Variants in MAP2K6 observed in about 807,000 individuals in gnomAD.
MAP2K6 encodes the protein mitogen-activated protein kinase kinase 6, also known as dual specificity mitogen-activated protein kinase kinase 6.
In MAP2K6, 16 loss-of-function variants were observed where a neutral mutation model predicts 53.7. The ratio of observed to expected loss-of-function variants is 0.30; its 90% CI spans 0.20 to 0.45. The LOEUF (loss-of-function observed/expected upper bound fraction) is 0.45, where lower values mean the gene tolerates loss of function less well. Ranked by LOEUF, MAP2K6 falls within the 20% of genes least tolerant of loss-of-function variation. The pLI is 1.00. For synonymous variants in MAP2K6, 132 were observed against 143.1 expected (o/e 0.92, Z 0.55); for missense variants, 204 against 411.9 (o/e 0.50, Z 4.37).
At chr17:69,472,595 G>T (rs1458572852) in intron 1 of MAP2K6, among the ~76,000 whole-genome samples, 1 of 152,186 alleles carries the variant, frequency 6.6e-6, no homozygotes, top group African/African-American at 2.4e-5. Flanking sequence ...CCTGAGACGG[G>T]ATGGCATCCT....
intron 1 of MAP2K6, among the ~76,000 whole-genome samples, chr17:69,468,156 A>G (rs1382211457): frequency 6.6e-6 from 1 of 152,128 alleles, no homozygotes; most frequent in African/African-American, 2.4e-5. Context: ...TTCTCCTGTG[A>G]TAGTGTTCTC....
chr17:69,449,607 C>T (rs12452702), intron 1 of MAP2K6, among the ~76,000 whole-genome samples: 21 of 91,646 alleles, frequency 2.3e-4, no homozygotes, highest in Admixed American at 4.9e-4. Flanking sequence ...TTCTTTCTCT[C>T]TCTTTTTTTT....
intron 1 of MAP2K6, among the ~76,000 whole-genome samples, chr17:69,491,390 C>T (rs111740230): frequency 0.043 from 6,587 of 152,162 alleles, 417 homozygotes; most frequent in East Asian, 0.15. Context: ...CTATTCTGCC[C>T]GCCTTGGCTT....
At chr17:69,433,855 T>C (rs1050815835) in intron 1 of MAP2K6, 1 of 152,152 alleles carries the variant, frequency 6.6e-6, no homozygotes, top group Non-Finnish European at 1.5e-5. Flanking sequence ...ATGGTTGGGA[T>C]GTAGGGGTCA....
intron 1 of MAP2K6, among the ~76,000 whole-genome samples, chr17:69,488,543 G>C (rs1908631461): frequency 1.3e-5 from 2 of 152,148 alleles, no homozygotes; most frequent in South Asian, 4.1e-4. Flanking sequence ...GTAATAGACT[G>C]GATAAAGAAA....
At chr17:69,508,556 G>A (rs565334440) in intron 2 of MAP2K6, among the ~76,000 whole-genome samples, 24 of 152,228 alleles carry the variant, frequency 1.6e-4, no homozygotes, top group African/African-American at 5.8e-4. Flanking sequence ...GACTTTGTCC[G>A]ATATATATGT....
intron 4 of MAP2K6, among the ~76,000 whole-genome samples, chr17:69,519,065 A>C (rs1208805126): frequency 6.6e-6 from 1 of 152,240 alleles, no homozygotes; most frequent in African/African-American, 2.4e-5. Flanking sequence ...AATACATTCC[A>C]AAACATTTTG....
intron 1 of MAP2K6, among the ~76,000 whole-genome samples, chr17:69,466,170 C>T (rs550494229): frequency 6.7e-6 from 1 of 150,018 alleles, no homozygotes; most frequent in East Asian, 2.0e-4. Flanking sequence ...GCTGTAGTCC[C>T]AGCTACCAGC....
chr17:69,430,805 T>A (rs1906438112), intron 1 of MAP2K6, among the ~76,000 whole-genome samples: 1 of 152,178 alleles, frequency 6.6e-6, no homozygotes, highest in Non-Finnish European at 1.5e-5. Flanking sequence ...CGCAGTCTAA[T>A]GTGAACAAGC....
intron 1 of MAP2K6, among the ~76,000 whole-genome samples, chr17:69,423,019 G>T (rs1906144821): frequency 6.6e-6 from 1 of 152,116 alleles, no homozygotes; most frequent in African/African-American, 2.4e-5. Context: ...GAGTAGCTGG[G>T]ATTACAGGTG....
chr17:69,492,782 C>G (rs1019059630), intron 1 of MAP2K6, among the ~76,000 whole-genome samples: 1 of 151,766 alleles, frequency 6.6e-6, no homozygotes, highest in East Asian at 1.9e-4. Context: ...GGCTCATCTT[C>G]TCATCTCAAA....
intron 1 of MAP2K6, among the ~76,000 whole-genome samples, chr17:69,495,373 C>T (rs1260781710): frequency 3.3e-5 from 5 of 151,558 alleles, no homozygotes; most frequent in South Asian, 4.2e-4. Flanking sequence ...GTAGCTGGGA[C>T]TACAGGCGCC....
chr17:69,489,904 T>G (rs1908678472), intron 1 of MAP2K6, among the ~76,000 whole-genome samples: 1 of 152,230 alleles, frequency 6.6e-6, no homozygotes, highest in Admixed American at 6.5e-5. Context: ...GTTCTTTTGC[T>G]AGGCTATGGT....
In MAP2K6 at chr17:69,544,378, G is replaced by A. The variant is rs1911792050; in HGVS notation, c.*2625G>A. On this transcript the variant is annotated 3_prime_UTR_variant, in exon 12 of 12. Coordinates refer to ENST00000590474, the MANE Select transcript of MAP2K6 (RefSeq NM_002758.4). ...AATTTTAGAGCATGGTTTTGTTTTT[G>A]GAAAACTGTGTTGTAAGTGCCAATC... The A allele has an allele frequency of 2.0e-5, 3 of 152,150 alleles. No individual in the cohort carries two copies. The South Asian group carries it at 6.2e-4, about 32-fold the overall frequency. The allele number at this position is 152,150 out of a possible 1,614,324, so 9.4% of individuals were successfully genotyped here. A position where few individuals can be genotyped will look rare whatever the true frequency, so the allele number is the denominator to read the frequency against.
At chr17:69,506,874 T>C (rs1394429742) in intron 2 of MAP2K6, among the ~76,000 whole-genome samples, 2 of 152,218 alleles carry the variant, frequency 1.3e-5, no homozygotes, top group Admixed American at 6.5e-5. Flanking sequence ...AAACTCAAGA[T>C]AGAATGTTCC....
chr17:69,476,513 C>T (rs1598280413), intron 1 of MAP2K6, among the ~76,000 whole-genome samples: 1 of 152,336 alleles, frequency 6.6e-6, no homozygotes, highest in East Asian at 1.9e-4. Context: ...CCTACTCATA[C>T]ACTCATTGCT....
Position 69,553,461 on chromosome 17 carries a change from A to G in MAP2K6, c.*11708A>G, listed in dbSNP as rs1912176828. 6.6e-6 allele frequency: 1 copy of G among 152,214 alleles called. No homozygotes were observed. Among genetic ancestry groups the G allele is most frequent in the African/African-American group, 2.4e-5 (1 of 41,452 alleles). 9.4% of individuals were successfully genotyped at this position (152,214 alleles called of 1,614,324 possible). The stretch of plus-strand genomic sequence containing the variant: ...CTCAAAAAGAAAATGAAATTGGGAG[A>G]TTAAATCAAGCTTGACCTCCTCTTT... On this transcript the variant is annotated 3_prime_UTR_variant, in exon 12 of 12. Coordinates refer to ENST00000590474, the MANE Select transcript of MAP2K6 (RefSeq NM_002758.4).
intron 6 of MAP2K6, chr17:69,520,675 A>G (rs1457913057): frequency 2.6e-6 from 1 of 379,304 alleles, no homozygotes; most frequent in Non-Finnish European, 4.7e-6. Flanking sequence ...GTTTATTTTG[A>G]TTTTCATTTA....
At chr17:69,476,770 C>T (rs1908164621) in intron 1 of MAP2K6, among the ~76,000 whole-genome samples, 1 of 152,172 alleles carries the variant, frequency 6.6e-6, no homozygotes, top group South Asian at 2.1e-4. Context: ...TGGCTGATAT[C>T]TGTGAAGGTG....
Sources: gnomAD v4.1 joint callset for allele counts (sites outside exome capture counted in the v4.1 genomes callset) on GRCh38, gnomAD v4.1.1 for gene constraint, MANE v1.5 for transcripts, NCBI Gene and HGNC (gene_info 2026-07-23, HGNC 2026-07-21) for gene names.